The following RBFOX1 variants were observed in gnomAD, a reference collection of about 807,000 sequenced individuals.
The protein encoded by RBFOX1 is RNA binding fox-1 homolog 1.
In RBFOX1, 8 loss-of-function variants were observed where a neutral mutation model predicts 57.7. That is an observed-to-expected ratio of 0.14 (90% CI 0.08 to 0.25). The LOEUF (loss-of-function observed/expected upper bound fraction) is 0.25, where lower values mean the gene tolerates loss of function less well. RBFOX1 is among the 10% of genes least tolerant of loss of function. The pLI is 1.00. For synonymous variants in RBFOX1, 326 were observed against 222.4 expected (o/e 1.47, Z -4.15); for missense variants, 611 against 548.5 (o/e 1.11, Z -1.14).
chr16:7,336,445 T>A (rs962868125), intron 4 of RBFOX1, among the ~76,000 whole-genome samples: 1 of 152,224 alleles, frequency 6.6e-6, no homozygotes, highest in Non-Finnish European at 1.5e-5. Flanking sequence ...GCAGATTATT[T>A]TCCTGGATGG....
chr16:5,679,348 A>ATTTTT (rs1567386568), intron 3 of RBFOX1, among the ~76,000 whole-genome samples: 1 of 149,024 alleles, frequency 6.7e-6, no homozygotes, highest in African/African-American at 2.6e-5. Context: ...TTTTTTTTTA[A>ATTTTT]AAAACAATTT....
chr16:5,502,832 C>G (rs1170067137), intron 2 of RBFOX1, among the ~76,000 whole-genome samples: 1 of 152,132 alleles, frequency 6.6e-6, no homozygotes, highest in African/African-American at 2.4e-5. Context: ...CTCAGGGGAC[C>G]CTGAGAAATA....
chr16:5,699,980 C>A (rs916337932), intron 3 of RBFOX1, among the ~76,000 whole-genome samples: 3 of 152,076 alleles, frequency 2.0e-5, no homozygotes, highest in African/African-American at 7.2e-5. Context: ...CTACAGGCGC[C>A]CGCCACCACG....
intron 14 of RBFOX1, among the ~76,000 whole-genome samples, chr16:7,691,805 T>G (rs918982450): frequency 6.6e-6 from 1 of 152,124 alleles, no homozygotes; most frequent in Admixed American, 6.6e-5. Context: ...TGGGTAGAGC[T>G]GCCCCACCCT....
chr16:5,761,033 G>A (rs892235886), intron 3 of RBFOX1, among the ~76,000 whole-genome samples: 2 of 152,202 alleles, frequency 1.3e-5, no homozygotes, highest in African/African-American at 4.8e-5. Context: ...TAATTGATAG[G>A]ATGGTGGCCA....
Position 7,109,333 on chromosome 16 carries a change from G to C in RBFOX1, c.27+57235G>C, listed in dbSNP as rs576273868. Among the ~76,000 whole-genome samples, 63 of 152,200 alleles carry C rather than the reference G, an allele frequency of 4.1e-4. 2 individuals are homozygous for C. In the South Asian group the frequency reaches 0.012, roughly 29 times the overall value. ...CCATGCCGTGAAACAAAGAGAAAAT[G>C]AACAAATCCCTGCAACCAAACCCTC... On this transcript the variant is annotated intron_variant, in intron 4 of 15. Coordinates refer to ENST00000550418, the MANE Select transcript of RBFOX1 (RefSeq NM_018723.4).
At chr16:7,195,141 G>T (rs1411701349) in intron 4 of RBFOX1, among the ~76,000 whole-genome samples, 2 of 152,074 alleles carry the variant, frequency 1.3e-5, no homozygotes, top group African/African-American at 4.8e-5. Flanking sequence ...ACCATGTTTT[G>T]TGCCTCATAT....
chr16:7,463,276 T>A (rs1318847495), intron 4 of RBFOX1, among the ~76,000 whole-genome samples: 1 of 152,120 alleles, frequency 6.6e-6, no homozygotes, highest in Non-Finnish European at 1.5e-5. Context: ...GGCCATGGTG[T>A]GTGGATCACT....
intron 4 of RBFOX1, among the ~76,000 whole-genome samples, chr16:7,359,398 T>TTGTG (rs55808553): frequency 0.18 from 27,706 of 151,934 alleles, 3,693 homozygotes; most frequent in African/African-American, 0.39. Context: ...CTCTGTGTGT[T>TTGTG]TGTGTGCACA....
At chr16:6,950,647 C>G (rs911507341) in intron 3 of RBFOX1, among the ~76,000 whole-genome samples, 3 of 152,104 alleles carry the variant, frequency 2.0e-5, no homozygotes, top group South Asian at 2.1e-4. Flanking sequence ...CTAAATCTCT[C>G]TCAAGGATGC....
intron 3 of RBFOX1, among the ~76,000 whole-genome samples, chr16:6,895,187 G>A (rs1250064794): frequency 1.3e-5 from 2 of 151,916 alleles, no homozygotes; most frequent in East Asian, 3.9e-4. Context: ...CTCTAGTTTT[G>A]TGATGTTCTA....
intron 1 of RBFOX1, among the ~76,000 whole-genome samples, chr16:6,149,094 A>G (rs1007053338): frequency 6.6e-6 from 1 of 152,250 alleles, no homozygotes; most frequent in African/African-American, 2.4e-5. Context: ...TGAAATGCAA[A>G]CAAATACTTA....
chr16:7,504,777 A>ATATT (rs1396247326), intron 4 of RBFOX1, among the ~76,000 whole-genome samples: 8 of 17,954 alleles, frequency 4.5e-4, no homozygotes, highest in East Asian at 4.1e-3. Context: ...ATATTTATAT[A>ATATT]TATATATATT....
intron 4 of RBFOX1, among the ~76,000 whole-genome samples, chr16:7,164,170 G>A (rs192808595): frequency 6.6e-6 from 1 of 151,804 alleles, no homozygotes; most frequent in East Asian, 1.9e-4. Flanking sequence ...TTACGTCTTT[G>A]CGTCCTCATA....
chr16:5,724,976 C>G (rs541650576), intron 3 of RBFOX1, among the ~76,000 whole-genome samples: 1 of 152,302 alleles, frequency 6.6e-6, no homozygotes, highest in Non-Finnish European at 1.5e-5. Context: ...GGAGGTGTCT[C>G]TGCTCAAACC....
At chr16:7,395,703 A>G (rs2098128771) in intron 4 of RBFOX1, among the ~76,000 whole-genome samples, 1 of 152,222 alleles carries the variant, frequency 6.6e-6, no homozygotes, top group Non-Finnish European at 1.5e-5. Flanking sequence ...AGACTTGCAA[A>G]TGCTCTATGA....
intron 4 of RBFOX1, among the ~76,000 whole-genome samples, chr16:7,256,554 A>G (rs535024461): frequency 9.2e-5 from 14 of 152,206 alleles, no homozygotes; most frequent in African/African-American, 3.4e-4. Context: ...CATACACTGT[A>G]TGTCTGTTTA....
chr16:6,480,325 C>T (rs1009254538), intron 2 of RBFOX1, among the ~76,000 whole-genome samples: 8 of 152,054 alleles, frequency 5.3e-5, no homozygotes, highest in African/African-American at 1.7e-4. Flanking sequence ...AGAGAGTAAA[C>T]ATTTTAGACT....
chr16:6,362,771 T>C (rs2088826167), intron 2 of RBFOX1, among the ~76,000 whole-genome samples: 2 of 152,234 alleles, frequency 1.3e-5, no homozygotes. Flanking sequence ...TTATTTTTTA[T>C]TGAATTTTGC....
Sources: allele counts gnomAD v4.1 joint callset (sites outside exome capture counted in the v4.1 genomes callset), GRCh38; gene constraint gnomAD v4.1.1; transcripts MANE v1.5; gene names NCBI Gene and HGNC (gene_info 2026-07-23, HGNC 2026-07-21).